The following LRP1 variants were observed in gnomAD, a reference collection of about 807,000 sequenced individuals.
LRP1 encodes prolow-density lipoprotein receptor-related protein 1.
Under a neutral mutation model 541.5 loss-of-function variants are expected in LRP1, and 51 were observed. That is an observed-to-expected ratio of 0.09 (90% CI 0.08 to 0.12). LRP1 has a LOEUF of 0.12. LRP1 is among the 10% of genes least tolerant of loss of function. The pLI is 1.00. For synonymous variants in LRP1, 2,219 were observed against 2,470.8 expected (o/e 0.90, Z 3.02); for missense variants, 3,878 against 6,376.2 (o/e 0.61, Z 13.34).
In LRP1 at chr12:57,178,591, C is replaced by T; in HGVS notation, c.4594C>T (p.Arg1532Cys). 1 of 1,614,188 alleles carries T rather than the reference C, an allele frequency of 6.2e-7. No individual in the cohort carries two copies. Among genetic ancestry groups the T allele is most frequent in the Non-Finnish European group, 8.5e-7 (1 of 1,180,022 alleles). ...PFDLQVYHPS[R>C]QPMAPNPCEA... ...TGACCTGCAGGTGTACCACCCCTCCCGCCAGCCCATGGGTAAGGGGCTCGG... is the reference window on the plus strand; with the variant it reads ...TGACCTGCAGGTGTACCACCCCTCCTGCCAGCCCATGGGTAAGGGGCTCGG... Residue 1532 changes from arginine (R) to cysteine (C), a missense_variant, in exon 27 of 89, where the codon CGC becomes TGC. By Grantham distance (180) the Arg-to-Cys change is radical. Transcript: ENST00000243077. The surrounding 1 kb of genome is among the most constrained non-coding windows in gnomAD (Gnocchi z 5.8).
Position 57,181,146 on chromosome 12 carries a change from C to T in LRP1, c.5528-11C>T. On this transcript the variant is annotated splice_polypyrimidine_tract_variant and intron_variant, in intron 33 of 88. Coordinates refer to ENST00000243077, the MANE Select transcript of LRP1 (RefSeq NM_002332.3). Reference sequence around the variant, plus strand: ...CCTAACCCTTTCCCTCTGCCTCCCACCTGCCCCCAGACCATAAGGGCACCA... The same window carrying T: ...CCTAACCCTTTCCCTCTGCCTCCCATCTGCCCCCAGACCATAAGGGCACCA... 2 of 1,611,592 alleles carry T rather than the reference C, an allele frequency of 1.2e-6. No homozygotes were observed. The highest frequency in any genetic ancestry group is 1.7e-6 in the Non-Finnish European group (2 of 1,178,800).
Position 57,166,100 on chromosome 12 carries a change from C to G in LRP1, c.2688C>G (p.Pro896=). 2 of 1,614,242 alleles carry G rather than the reference C, an allele frequency of 1.2e-6. No individual in the cohort carries two copies. The highest frequency in any genetic ancestry group is 1.7e-6 in the Non-Finnish European group (2 of 1,180,038). ...CCTCCCCAGATCAGCACACCTGCCC[C>G]TCGGACCGATTCAAGTGCGAGAACA... The part of the protein sequence containing the change: ...APALCHQHTC[P]SDRFKCENNR... The change falls in exon 17 of 89, where the codon CCC becomes CCG. Residue 896 remains proline (P), a synonymous_variant. Transcript: ENST00000243077.
intron 44 of LRP1, 88 bp downstream of exon 44, chr12:57,191,600 C>A: frequency 8.5e-7 from 1 of 1,177,878 alleles, no homozygotes; most frequent in Non-Finnish European, 1.2e-6. Context: ...ATCGCACATA[C>A]CACACGCACC....
Position 57,206,197 on chromosome 12 carries a change from C to T in LRP1, c.11591-276C>T, listed in dbSNP as rs1305541478. ...AGAGCGTGGTGATGCCATCCAGCAGCCGTGAGGAGGTGGAAGTCTCTGGGT... is the reference window on the plus strand; with the variant it reads ...AGAGCGTGGTGATGCCATCCAGCAGTCGTGAGGAGGTGGAAGTCTCTGGGT... On this transcript the variant is annotated intron_variant, in intron 75 of 88. Transcript: ENST00000243077. The surrounding 1 kb of genome is among the most constrained non-coding windows in gnomAD (Gnocchi z 4.7). Among the ~76,000 whole-genome samples the T allele has an allele frequency of 6.6e-6, 1 of 152,190 alleles. No individual in the cohort carries two copies. The highest frequency in any genetic ancestry group is 2.4e-5 in the African/African-American group (1 of 41,428).
Position 57,201,618 on chromosome 12 carries a change from C to T in LRP1, c.10467C>T (p.Cys3489=). ...ATGGCAGTGATGAGCCCGCCAACTGCAGTGAGTTGCCTGGCCTGGAGCCCA... is the reference window on the plus strand; with the variant it reads ...ATGGCAGTGATGAGCCCGCCAACTGTAGTGAGTTGCCTGGCCTGGAGCCCA... ...CVDGSDEPAN[C]TQMTCGVDEF... The change falls in exon 66 of 89, where the codon TGC becomes TGT. Residue 3489 remains cysteine, a splice_region_variant and synonymous_variant. Coordinates refer to ENST00000243077, the MANE Select transcript of LRP1 (RefSeq NM_002332.3). This position sits in a 1 kb window ranked among gnomAD's most constrained non-coding sequence, Gnocchi z 6.4. 15 of 1,611,874 alleles carry T rather than the reference C, an allele frequency of 9.3e-6. No homozygotes were observed. Among genetic ancestry groups the T allele is most frequent in the Non-Finnish European group, 1.3e-5 (15 of 1,178,342 alleles).
chr12:57,175,537 C>T lies in LRP1; in HGVS notation c.3625C>T (p.Pro1209Ser), dbSNP rs2036026136. 6.2e-7 allele frequency: 1 copy of T among 1,614,198 alleles called. No individual in the cohort carries two copies. Among genetic ancestry groups the T allele is most frequent in the Non-Finnish European group, 8.5e-7 (1 of 1,180,028 alleles). The change falls in exon 23 of 89, where the codon CCT becomes TCT. Residue 1209 changes from proline (P) to serine (S), a missense_variant. By Grantham distance (74) the Pro-to-Ser change is moderately conservative. Transcript: ENST00000243077. ...TGGCGAAGGCATTGTGTGTTCCTGC[C>T]CTCTGGGCATGGAGCTGGGGCCCGA... ...APGEGIVCSC[P>S]LGMELGPDNH...
chr12:57,161,141 G>T, intron 13 of LRP1, 26 bp downstream of exon 13: 1 of 1,604,790 alleles, frequency 6.2e-7, no homozygotes. Context: ...CCTGTGTGGG[G>T]GAATCTGTGT....
Position 57,211,791 on chromosome 12 carries a change from T to A in LRP1, c.13235T>A (p.Val4412Asp). ...HMTGPRCEEH[V>D]FSQQQPGHIA... ...ACAGGGCCCCGGTGTGAGGAGCACGTCTTCAGCCAGCAGCAGCCAGGACGT... is the reference window on the plus strand; with the variant it reads ...ACAGGGCCCCGGTGTGAGGAGCACGACTTCAGCCAGCAGCAGCCAGGACGT... The change falls in exon 86 of 89, where the codon GTC (valine) becomes GAC (aspartate). Residue 4412 changes from valine to aspartate, a missense_variant. Physicochemically the swap from Val to Asp is radical, Grantham distance 152 (BLOSUM62 -3). This residue lies in a region of LRP1 where 871 missense variants were observed against 1,212.4 expected (regional missense o/e 0.72). Transcript: ENST00000243077. The surrounding 1 kb of genome is among the most constrained non-coding windows in gnomAD (Gnocchi z 4.3). 6.2e-7 allele frequency: 1 copy of A among 1,612,848 alleles called. No individual in the cohort carries two copies. Among genetic ancestry groups the A allele is most frequent in the South Asian group, 1.1e-5 (1 of 91,074 alleles).
At position 57,212,385 on chromosome 12, in the gene LRP1, G is replaced by A; in HGVS notation, c.13495-30G>A. ...CCTGGGCTACAGGCCCAGCTCCTGA[G>A]CCCTACCTGAACCCTCTGTCACCCT... On this transcript the variant is annotated intron_variant, in intron 88 of 88. Transcript: ENST00000243077. This position sits in a 1 kb window ranked among gnomAD's most constrained non-coding sequence, Gnocchi z 5.0. 1 of 1,613,968 alleles carries A rather than the reference G, an allele frequency of 6.2e-7. No individual in the cohort carries two copies. Among genetic ancestry groups the A allele is most frequent in the Admixed American group, 1.7e-5 (1 of 60,024 alleles).
chr12:57,189,468 C>T lies in LRP1; in HGVS notation c.7032-1337C>T, dbSNP rs2136716702. ...CCCCTGCTCTCCTCCAGGATGAGGC[C>T]CTTAAGATCAGAGCTTCTCACGAGC... On this transcript the variant is annotated intron_variant, in intron 42 of 88. Transcript: ENST00000243077. This position sits in a 1 kb window ranked among gnomAD's most constrained non-coding sequence, Gnocchi z 4.4. Among the ~76,000 whole-genome samples the T allele has an allele frequency of 6.6e-6, 1 of 152,296 alleles. No individual in the cohort carries two copies. The highest frequency in any genetic ancestry group is 6.5e-5 in the Admixed American group (1 of 15,308).
chr12:57,156,816 C>T lies in LRP1; in HGVS notation c.1457C>T (p.Pro486Leu), dbSNP rs749273635. 51 of 1,609,084 alleles carry T rather than the reference C, an allele frequency of 3.2e-5. No homozygotes were observed. Among genetic ancestry groups the T allele is most frequent in the Non-Finnish European group, 3.8e-5 (45 of 1,178,262 alleles). The stretch of plus-strand genomic sequence containing the variant: ...TGTGAAAACGACCAGTATGGGAAGC[C>T]GGGTGGCTGCTCTGACATCTGCCTG... ...HACENDQYGK[P>L]GGCSDICLLA... The change falls in exon 10 of 89, where the codon CCG becomes CTG. Residue 486 changes from proline (P) to leucine (L), a missense_variant. Coordinates refer to ENST00000243077, the MANE Select transcript of LRP1 (RefSeq NM_002332.3). This position sits in a 1 kb window ranked among gnomAD's most constrained non-coding sequence, Gnocchi z 5.2.
Position 57,149,606 on chromosome 12 carries a change from G to A in LRP1, c.841+4116G>A. On this transcript the variant is annotated intron_variant, in intron 6 of 88. Transcript: ENST00000243077. ...ATCCAGGCATCATCCCTGGGATCTAGGTCGAAATGCCTCTTGGGGACCTAA... is the reference window on the plus strand; with the variant it reads ...ATCCAGGCATCATCCCTGGGATCTAAGTCGAAATGCCTCTTGGGGACCTAA... The A allele has an allele frequency of 5.7e-6, 4 of 703,822 alleles. No individual in the cohort carries two copies. The South Asian group carries it at 5.9e-5, about 10-fold the overall frequency. The allele number at this position is 703,822 out of a possible 1,614,324, so 43.6% of individuals were successfully genotyped here. A position where few individuals can be genotyped will look rare whatever the true frequency, so the allele number is the denominator to read the frequency against.
chr12:57,157,512 G>A (rs1446271241), intron 10 of LRP1, among the ~76,000 whole-genome samples: 2 of 152,228 alleles, frequency 1.3e-5, no homozygotes, highest in African/African-American at 2.4e-5. Flanking sequence ...TGGGGAGGCT[G>A]AGACAGGAGA....
Position 57,201,554 on chromosome 12 carries a change from C to T in LRP1, c.10403C>T (p.Pro3468Leu). The T allele has an allele frequency of 6.2e-7, 1 of 1,614,112 alleles. No homozygotes were observed. Among genetic ancestry groups the T allele is most frequent in the Non-Finnish European group, 8.5e-7 (1 of 1,180,004 alleles). The change falls in exon 66 of 89, where the codon CCC becomes CTC. Residue 3468 changes from proline (P) to leucine (L), a missense_variant. Physicochemically the swap from Pro to Leu is moderately conservative, Grantham distance 98 (BLOSUM62 -3). Transcript: ENST00000243077. The surrounding 1 kb of genome is among the most constrained non-coding windows in gnomAD (Gnocchi z 6.4). ...TGCTCCATTACCAAACGGTGCATCCCCCGGGTCTGGGTCTGCGACCGGGAC... is the reference window on the plus strand; with the variant it reads ...TGCTCCATTACCAAACGGTGCATCCTCCGGGTCTGGGTCTGCGACCGGGAC... ...FQCSITKRCI[P>L]RVWVCDRDND...
intron 11 of LRP1, 135 bp from the exon 12 acceptor site, chr12:57,159,690 C>G (rs955876852): frequency 4.0e-6 from 3 of 751,140 alleles, no homozygotes; most frequent in African/African-American, 1.7e-5. Context: ...ACCCATCTGT[C>G]TAGGGCCCCA....
chr12:57,193,243 C>T lies in LRP1; in HGVS notation c.7623C>T (p.Ser2541=), dbSNP rs1565745257. The change falls in exon 46 of 89, where the codon AGC becomes AGT. Residue 2541 remains serine (S), a synonymous_variant. Transcript: ENST00000243077. The part of the protein sequence containing the change: ...ECANGECINF[S]LTCDGVPHCK... ...CCAATGGCGAGTGCATCAACTTCAGCCTGACCTGCGACGGCGTCCCCCACT... is the reference window on the plus strand; with the variant it reads ...CCAATGGCGAGTGCATCAACTTCAGTCTGACCTGCGACGGCGTCCCCCACT... 2 of 1,613,998 alleles carry T rather than the reference C, an allele frequency of 1.2e-6. No individual in the cohort carries two copies. The highest frequency in any genetic ancestry group is 2.7e-5 in the African/African-American group (2 of 74,932).
rs775127794 is a variant in LRP1, at chr12:57,156,114, G to A, written c.1248G>A (p.Leu416=). 1.2e-6 allele frequency: 2 copies of A among 1,614,068 alleles called. No individual in the cohort carries two copies. Among genetic ancestry groups the A allele is most frequent in the Admixed American group, 3.3e-5 (2 of 60,008 alleles). Residue 416 remains leucine, a synonymous_variant, in exon 9 of 89, where the codon CTG becomes CTA. Transcript: ENST00000243077. The surrounding 1 kb of genome is among the most constrained non-coding windows in gnomAD (Gnocchi z 5.2). The stretch of plus-strand genomic sequence containing the variant: ...CTCAGATTGAGCACCTGTACGGCCT[G>A]ACTGTGTTTGAGAATTATCTCTATG... ...QGILIEHLYG[L]TVFENYLYAT... is the part of the protein sequence containing the mutation.
intron 48 of LRP1, among the ~76,000 whole-genome samples, 162 bp from the exon 49 acceptor site, chr12:57,194,192 G>A (rs561876371): frequency 1.3e-5 from 2 of 152,340 alleles, no homozygotes; most frequent in East Asian, 3.9e-4. Context: ...CTCTCGTGGG[G>A]TTCCGAGAGG....
chr12:57,193,226 G>C lies in LRP1; in HGVS notation c.7606G>C (p.Glu2536Gln), dbSNP rs773772567. Residue 2536 changes from glutamate to glutamine, a missense_variant, in exon 46 of 89, where the codon GAG becomes CAG. Glu to Gln is a conservative substitution (Grantham distance 29). Coordinates refer to ENST00000243077, the MANE Select transcript of LRP1 (RefSeq NM_002332.3). Reference protein sequence around the residue: ...AQDEFECANGECINFSLTCDG... With the variant: ...AQDEFECANGQCINFSLTCDG... ...AGATGAGTTTGAGTGTGCCAATGGC[G>C]AGTGCATCAACTTCAGCCTGACCTG... 1 of 1,614,110 alleles carries C rather than the reference G, an allele frequency of 6.2e-7. No individual in the cohort carries two copies. Among genetic ancestry groups the C allele is most frequent in the Non-Finnish European group, 8.5e-7 (1 of 1,180,020 alleles).
Sources: allele counts gnomAD v4.1 joint callset (sites outside exome capture counted in the v4.1 genomes callset), GRCh38; gene constraint gnomAD v4.1.1; regional missense constraint gnomAD v4.1.1; non-coding constraint Gnocchi (gnomAD v3.1); transcripts MANE v1.5; gene names NCBI Gene and HGNC (gene_info 2026-07-23, HGNC 2026-07-21).